The following WNT5A variants were observed in gnomAD, a reference collection of about 807,000 sequenced individuals.
The protein encoded by WNT5A is protein Wnt-5a.
In WNT5A, 9 loss-of-function variants were observed where a neutral mutation model predicts 42.1. The ratio of observed to expected loss-of-function variants is 0.21; its 90% CI spans 0.13 to 0.37. The LOEUF (loss-of-function observed/expected upper bound fraction) is 0.37. Ranked by LOEUF, WNT5A falls within the 10% of genes least tolerant of loss-of-function variation. The pLI is 1.00. For missense variants in WNT5A, 426 were observed against 534.0 expected, an observed-to-expected ratio of 0.80 and a Z score of 1.99; for synonymous variants, 210 against 210.0, an observed-to-expected ratio of 1.00 and a Z score of 0.00.
rs771010789 is a variant in WNT5A, at chr3:55,474,467, T to C, written c.554A>G (p.Asn185Ser). 1.9e-5 allele frequency: 30 copies of C among 1,605,792 alleles called. No individual in the cohort carries two copies. Among genetic ancestry groups the C allele is most frequent in the Non-Finnish European group, 2.5e-5 (30 of 1,177,308 alleles). ...GGCAAAGCGGTAGCCATAGTCGATG[T>C]TGTCGCCGCAGCCGCCCCAGAGCCA... ...RDWLWGGCGDNIDYGYRFAKE... is the reference protein window; with the variant it reads ...RDWLWGGCGDSIDYGYRFAKE... Residue 185 changes from asparagine (N) to serine (S), a missense_variant, in exon 4 of 5, where the codon AAC becomes AGC. This residue lies in a region of WNT5A where 358 missense variants were observed against 468.1 expected (regional missense o/e 0.76). Transcript: ENST00000264634.
chr3:55,477,220 A>T (rs1381676921), intron 3 of WNT5A, among the ~76,000 whole-genome samples: 2 of 152,342 alleles, frequency 1.3e-5, no homozygotes, highest in East Asian at 3.9e-4. Flanking sequence ...TACACTCTTA[A>T]GTGGAAAAGT....
the WNT5A span, among the ~76,000 whole-genome samples, chr3:55,497,646 A>G: frequency 1.3e-5 from 2 of 152,232 alleles, no homozygotes; most frequent in Non-Finnish European, 2.9e-5. Flanking sequence ...AATATTAGTA[A>G]TGCATATTAA....
At chr3:55,480,675 C>T in intron 2 of WNT5A, 110 bp downstream of exon 2, 1 of 1,164,702 alleles carries the variant, frequency 8.6e-7, no homozygotes, top group Non-Finnish European at 1.1e-6. Context: ...ATATGTCTTG[C>T]AATAAATACA....
chr3:55,478,715 T>A (rs565406458), intron 3 of WNT5A, among the ~76,000 whole-genome samples: 1 of 152,324 alleles, frequency 6.6e-6, no homozygotes, highest in East Asian at 1.9e-4. Flanking sequence ...ATCCCAAGCA[T>A]GTGCTTTTAT....
At chr3:55,478,002 C>T (rs9839434) in intron 3 of WNT5A, among the ~76,000 whole-genome samples, 3,232 of 152,318 alleles carry the variant, frequency 0.021, 98 homozygotes, top group African/African-American at 0.074. Flanking sequence ...AATATCAACA[C>T]ACGGGAGAAT....
At chr3:55,479,661 T>C (rs549399320) in intron 2 of WNT5A, 97 bp from the exon 3 acceptor site, 240 of 1,428,800 alleles carry the variant, frequency 1.7e-4, no homozygotes, top group Non-Finnish European at 2.0e-4. Context: ...AGCACACAGA[T>C]GCTTTTTTCT....
At chr3:55,488,111 T>G, upstream of WNT5A, 1 of 152,180 alleles carries the variant, frequency 6.6e-6, no homozygotes, top group Non-Finnish European at 1.5e-5. Context: ...GCCCACCTCC[T>G]CGTTTGGCGC....
chr3:55,492,877 C>G (rs2051677648), upstream of WNT5A, among the ~76,000 whole-genome samples: 1 of 152,162 alleles, frequency 6.6e-6, no homozygotes, highest in Non-Finnish European at 1.5e-5. Flanking sequence ...TAAAACCAAG[C>G]TGTTTTAGGA....
upstream of WNT5A, chr3:55,487,360 C>G (rs536278311): frequency 1.4e-4 from 43 of 300,510 alleles, no homozygotes; most frequent in African/African-American, 8.8e-4. Context: ...GTAATTAGGG[C>G]TTTCCAACCC....
In WNT5A at chr3:55,479,454, T is replaced by A. The variant is rs749398374; in HGVS notation, c.251A>T (p.His84Leu). The change falls in exon 3 of 5, where the codon CAC becomes CTC. Residue 84 changes from histidine to leucine, a missense_variant. His to Leu is a moderately conservative substitution (Grantham distance 99). Transcript: ENST00000264634. ...GTACTGCATGTGGTCCTGATACAAGTGGCACAGTTTCTTCTGTCCTTGAGA... is the reference window on the plus strand; with the variant it reads ...GTACTGCATGTGGTCCTGATACAAGAGGCACAGTTTCTTCTGTCCTTGAGA... ...GLSQGQKKLC[H>L]LYQDHMQYIG... 21 of 1,613,902 alleles carry A rather than the reference T, an allele frequency of 1.3e-5. No homozygotes were observed. The highest frequency in any genetic ancestry group is 1.7e-5 in the Non-Finnish European group (20 of 1,179,912).
Position 55,472,477 on chromosome 3 carries a change from T to C in WNT5A, c.684+1860A>G, listed in dbSNP as rs868510715. Among the ~76,000 whole-genome samples the C allele has an allele frequency of 3.3e-5, 5 of 152,294 alleles. No individual in the cohort carries two copies. The South Asian group carries it at 1.0e-3, about 32-fold the overall frequency. On this transcript the variant is annotated intron_variant, in intron 4 of 4. Coordinates refer to ENST00000264634, the MANE Select transcript of WNT5A (RefSeq NM_003392.7). ...ATGTCATATATAGAGATCCCAGCGA[T>C]ACATCCCTGAAGAGGGTGATAGCAA...
Position 55,466,215 on chromosome 3 carries a change from G to A in WNT5A, c.*3877C>T, listed in dbSNP as rs2051140490. 1 of 152,090 alleles carries A rather than the reference G, an allele frequency of 6.6e-6. No homozygotes were observed. Among genetic ancestry groups the A allele is most frequent in the Admixed American group, 6.5e-5 (1 of 15,276 alleles). The allele number at this position is 152,090 out of a possible 1,614,324, so 9.4% of individuals were successfully genotyped here. On this transcript the variant is annotated 3_prime_UTR_variant, in exon 5 of 5. Coordinates refer to ENST00000264634, the MANE Select transcript of WNT5A (RefSeq NM_003392.7). ...AAATATTTTAAAAGTATAGCTTACA[G>A]TGACAATGTAGTATTTTAGACCTGT...
At chr3:55,488,272 G>C (rs992551201), upstream of WNT5A, 1 of 152,150 alleles carries the variant, frequency 6.6e-6, no homozygotes, top group Admixed American at 6.6e-5. Flanking sequence ...AGATTTCCAC[G>C]CGATCCTGTG....
At chr3:55,485,285 C>A (rs2051555677) in intron 1 of WNT5A, among the ~76,000 whole-genome samples, 1 of 151,854 alleles carries the variant, frequency 6.6e-6, no homozygotes, top group African/African-American at 2.4e-5. Flanking sequence ...GGCACCGCAC[C>A]GCGGGGAAGA....
At chr3:55,471,448 T>G (rs113519107) in intron 4 of WNT5A, among the ~76,000 whole-genome samples, 5 of 152,344 alleles carry the variant, frequency 3.3e-5, no homozygotes, top group African/African-American at 1.2e-4. Flanking sequence ...AGGCTGCACC[T>G]TTCCGGGCCT....
upstream of WNT5A, chr3:55,493,895 G>A (rs996331643): frequency 6.6e-6 from 1 of 152,162 alleles, no homozygotes; most frequent in Admixed American, 6.5e-5. Flanking sequence ...GAAGAAAGAC[G>A]GTATCCCATT....
chr3:55,495,447 C>T (rs1476588134), upstream of WNT5A, among the ~76,000 whole-genome samples: 1 of 152,206 alleles, frequency 6.6e-6, no homozygotes, highest in East Asian at 1.9e-4. Flanking sequence ...ATTTGCCTCT[C>T]TGTGCCTCGC....
rs1335353574 is a variant in WNT5A at position 55,487,199 on chromosome 3, C to A, written c.-214G>T. The A allele has an allele frequency of 1.9e-6, 1 of 528,652 alleles. No individual in the cohort carries two copies. Among genetic ancestry groups the A allele is most frequent in the South Asian group, 2.7e-5 (1 of 37,552 alleles). 32.7% of individuals were successfully genotyped at this position (528,652 alleles called of 1,614,324 possible). A position where few individuals can be genotyped will look rare whatever the true frequency, so the allele number is the denominator to read the frequency against. ...GAGTTGGGGCAGAGCTGGGATGCGC[C>A]CAGGAATGGAGGGGGCGCGGACGCG... On this transcript the variant is annotated 5_prime_UTR_variant, in exon 1 of 5. Transcript: ENST00000264634.
At position 55,469,920 on chromosome 3, in the gene WNT5A, A is replaced by T; in HGVS notation, c.*172T>A. On this transcript the variant is annotated 3_prime_UTR_variant, in exon 5 of 5. Transcript: ENST00000264634. Reference sequence around the variant, plus strand: ...CCCATTATTGCCAAATAATAATTATAATATTAATAATAAACCACAGAGTTC... The same window carrying T: ...CCCATTATTGCCAAATAATAATTATTATATTAATAATAAACCACAGAGTTC... The T allele has an allele frequency of 3.3e-6, 2 of 611,510 alleles. No individual in the cohort carries two copies. Among genetic ancestry groups the T allele is most frequent in the Non-Finnish European group, 5.5e-6 (2 of 365,692 alleles). 37.9% of individuals were successfully genotyped at this position (611,510 alleles called of 1,614,324 possible). A position where few individuals can be genotyped will look rare whatever the true frequency, so the allele number is the denominator to read the frequency against.
Sources: allele counts gnomAD v4.1 joint callset (sites outside exome capture counted in the v4.1 genomes callset), GRCh38; gene constraint gnomAD v4.1.1; regional missense constraint gnomAD v4.1.1; transcripts MANE v1.5; gene names NCBI Gene and HGNC (gene_info 2026-07-23, HGNC 2026-07-21).